The following SYNPR variants were observed in gnomAD, a reference collection of about 807,000 sequenced individuals.
SYNPR encodes synaptoporin.
In SYNPR, 23 loss-of-function variants were observed where a neutral mutation model predicts 32.9. The ratio of observed to expected loss-of-function variants is 0.70; its 90% CI spans 0.50 to 0.99. The LOEUF (loss-of-function observed/expected upper bound fraction) is 0.99. SYNPR is among the 50% of genes least tolerant of loss of function. The pLI, the probability that SYNPR is intolerant of heterozygous loss-of-function variation, is 0.00. For synonymous variants in SYNPR, 146 were observed against 135.9 expected (o/e 1.07, Z -0.52); for missense variants, 318 against 349.3 (o/e 0.91, Z 0.71).
the SYNPR span, among the ~76,000 whole-genome samples, chr3:63,206,124 T>G: frequency 1.3e-5 from 2 of 152,168 alleles, no homozygotes; most frequent in Non-Finnish European, 2.9e-5. Flanking sequence ...GTGACCCACT[T>G]ACAACTGAAG....
At chr3:63,267,360 A>G (rs1052832311) in exon 3 of SYNPR, 4 of 152,248 alleles carry the variant, frequency 2.6e-5, no homozygotes, top group Admixed American at 2.6e-4. Flanking sequence ...TAGGACCTCA[A>G]AAGAAGAGAA....
intron 2 of SYNPR, among the ~76,000 whole-genome samples, chr3:63,298,864 C>T (rs188551053): frequency 1.6e-3 from 245 of 152,178 alleles, no homozygotes; most frequent in Non-Finnish European, 2.2e-3. Context: ...GTAGAACATA[C>T]CTTGGCTACA....
intron 2 of SYNPR, chr3:63,452,024 T>TC: frequency 1.4e-6 from 1 of 699,104 alleles, no homozygotes; most frequent in Non-Finnish European, 2.6e-6. Flanking sequence ...CCAGACCAGT[T>TC]CCCTGATATA....
intron 3 of SYNPR, among the ~76,000 whole-genome samples, chr3:63,271,054 T>C (rs2086532775): frequency 1.2e-5 from 1 of 86,374 alleles, no homozygotes; most frequent in East Asian, 2.7e-4. Flanking sequence ...CTTCCTTCCT[T>C]TCTACCTTCT....
At chr3:63,429,573 T>G (rs1699950111) in intron 2 of SYNPR, among the ~76,000 whole-genome samples, 1 of 152,200 alleles carries the variant, frequency 6.6e-6, no homozygotes, top group African/African-American at 2.4e-5. Context: ...TCAAGTTGTT[T>G]TAAAAAAGAC....
At chr3:63,293,220 T>G (rs2367787) in intron 2 of SYNPR, among the ~76,000 whole-genome samples, 50,595 of 152,086 alleles carry the variant, frequency 0.33, 8,786 homozygotes, top group South Asian at 0.46. Flanking sequence ...AGGTGGTAAG[T>G]GACCAAGGCA....
In SYNPR at chr3:63,353,744, G is replaced by C. The variant is rs141656777; in HGVS notation, c.84+75002G>C. 1.1e-3 allele frequency among the ~76,000 whole-genome samples: 173 copies of C among 152,248 alleles called. 1 individual carries two copies. The East Asian group carries it at 0.029, about 25-fold the overall frequency. On this transcript the variant is annotated intron_variant, in intron 2 of 5. Coordinates refer to ENST00000478300, the MANE Select transcript of SYNPR (RefSeq NM_001130003.2). ...ACCTCCAGCTAGGCAAATGAAGCAG[G>C]CTTCTTAATGTTAGGAGTGATGATA...
chr3:63,232,943 G>T (rs1292230580), intron 1 of SYNPR, among the ~76,000 whole-genome samples: 1 of 152,142 alleles, frequency 6.6e-6, no homozygotes, highest in Non-Finnish European at 1.5e-5. Flanking sequence ...TCTTATAAAA[G>T]AATTGTTCAA....
At chr3:63,581,153 A>G (rs1703082816) in intron 4 of SYNPR, among the ~76,000 whole-genome samples, 1 of 152,158 alleles carries the variant, frequency 6.6e-6, no homozygotes. Flanking sequence ...GTTTTCCACC[A>G]CTGTCCTGAA....
chr3:63,436,054 C>T (rs147792631), intron 2 of SYNPR, among the ~76,000 whole-genome samples: 75 of 152,210 alleles, frequency 4.9e-4, no homozygotes, highest in Non-Finnish European at 8.8e-4. Context: ...ATAACACATA[C>T]GCCATAAACA....
At chr3:63,318,009 A>G (rs1575596581) in intron 2 of SYNPR, among the ~76,000 whole-genome samples, 1 of 151,918 alleles carries the variant, frequency 6.6e-6, no homozygotes. Flanking sequence ...TCCTTCATAT[A>G]TGATGCTTAG....
At chr3:63,342,825 T>A (rs1295956785) in intron 2 of SYNPR, among the ~76,000 whole-genome samples, 1 of 152,198 alleles carries the variant, frequency 6.6e-6, no homozygotes, top group Non-Finnish European at 1.5e-5. Context: ...GTCTATTTCA[T>A]GTTGATTGAT....
intron 4 of SYNPR, among the ~76,000 whole-genome samples, chr3:63,581,257 T>C (rs1007602772): frequency 2.0e-5 from 3 of 152,066 alleles, no homozygotes; most frequent in Non-Finnish European, 4.4e-5. Context: ...AAGGGAGCAC[T>C]GCGTTGAGAA....
At chr3:63,276,595 A>G (rs1011021214), upstream of SYNPR, among the ~76,000 whole-genome samples, 1 of 151,874 alleles carries the variant, frequency 6.6e-6, no homozygotes, top group Admixed American at 6.6e-5. Flanking sequence ...GGTAGGGTAC[A>G]CACTAAGTAA....
chr3:63,288,951 T>C (rs942144723), intron 2 of SYNPR, among the ~76,000 whole-genome samples: 4 of 152,162 alleles, frequency 2.6e-5, no homozygotes, highest in African/African-American at 4.8e-5. Context: ...ATACCAAAAA[T>C]TTTGCTCTTC....
rs188727815 is a variant in SYNPR, at chr3:63,439,811, C to T, written c.85-41021C>T. Among the ~76,000 whole-genome samples, 135 of 152,244 alleles carry T rather than the reference C, an allele frequency of 8.9e-4. 1 individual carries two copies. In the Middle Eastern group the frequency reaches 0.014, roughly 15 times the overall value. On this transcript the variant is annotated intron_variant, in intron 2 of 5. Transcript: ENST00000478300. ...CATCTGTTCTGTATTTCAAGGCTAACCTCCTTTGAAAAAATTAGGTTTCTT... is the reference window on the plus strand; with the variant it reads ...CATCTGTTCTGTATTTCAAGGCTAATCTCCTTTGAAAAAATTAGGTTTCTT...
At chr3:63,512,327 T>C (rs1334865232) in intron 3 of SYNPR, among the ~76,000 whole-genome samples, 3 of 152,138 alleles carry the variant, frequency 2.0e-5, no homozygotes, top group Non-Finnish European at 4.4e-5. Context: ...GGGTTTACTC[T>C]AGATTTGGAA....
chr3:63,497,337 G>C (rs561515205), intron 3 of SYNPR, among the ~76,000 whole-genome samples: 2 of 152,226 alleles, frequency 1.3e-5, no homozygotes, highest in Admixed American at 1.3e-4. Context: ...TCATTTTCTA[G>C]TCCCTGTTTC....
At chr3:63,457,201 A>G (rs879842408) in intron 2 of SYNPR, among the ~76,000 whole-genome samples, 4 of 152,132 alleles carry the variant, frequency 2.6e-5, no homozygotes, top group Non-Finnish European at 4.4e-5. Flanking sequence ...TCGCAAGATA[A>G]GAATTAACTT....
Sources: gnomAD v4.1 joint callset for allele counts (sites outside exome capture counted in the v4.1 genomes callset) on GRCh38, gnomAD v4.1.1 for gene constraint, MANE v1.5 for transcripts, NCBI Gene and HGNC (gene_info 2026-07-23, HGNC 2026-07-21) for gene names.